Variants in RGS9 observed in about 807,000 individuals in gnomAD.
RGS9 encodes regulator of G-protein signalling 9.
RGS9 carries 78 observed loss-of-function variants against 102.0 expected under a neutral mutation model. The observed-to-expected ratio is 0.76, with a 90% confidence interval of 0.64 to 0.92. RGS9 has a LOEUF of 0.92. Ranked by LOEUF, RGS9 falls within the 40% of genes least tolerant of loss-of-function variation. The pLI, the probability that RGS9 is intolerant of heterozygous loss-of-function variation, is 0.00. For synonymous variants in RGS9, 353 were observed against 318.6 expected (o/e 1.11, Z -1.15); for missense variants, 833 against 866.1 (o/e 0.96, Z 0.48).
chr17:65,143,903 G>C (rs1167680925), intron 1 of RGS9, among the ~76,000 whole-genome samples: 1 of 150,592 alleles, frequency 6.6e-6, no homozygotes, highest in African/African-American at 2.5e-5. Flanking sequence ...TGAGGCCACA[G>C]TGAGCTATGA....
At chr17:65,152,832 T>G (rs1292430818) in intron 1 of RGS9, among the ~76,000 whole-genome samples, 1 of 152,234 alleles carries the variant, frequency 6.6e-6, no homozygotes, top group African/African-American at 2.4e-5. Flanking sequence ...GCCTGGTCAC[T>G]GTCGTTTCTC....
Position 65,153,591 on chromosome 17 carries a change from T to G in RGS9, c.154+73T>G, listed in dbSNP as rs769147528. On this transcript the variant is annotated intron_variant, in intron 2 of 18. Coordinates refer to ENST00000262406, the MANE Select transcript of RGS9 (RefSeq NM_003835.4). ...CCCAATACGGCCCACCTCCTGTGTT[T>G]GTAAAAAACTTTATTTTTGGCCAGG... 2.4e-5 allele frequency: 31 copies of G among 1,280,348 alleles called. 1 individual carries two copies. The highest frequency in any genetic ancestry group is 3.3e-5 in the Non-Finnish European group (29 of 875,988). 79.3% of individuals were successfully genotyped at this position (1,280,348 alleles called of 1,614,324 possible). A position where few individuals can be genotyped will look rare whatever the true frequency, so the allele number is the denominator to read the frequency against.
At chr17:65,168,363 C>T in intron 8 of RGS9, 82 bp downstream of exon 8, 1 of 924,842 alleles carries the variant, frequency 1.1e-6, no homozygotes. Context: ...CTGTTGCCAA[C>T]TCCTCTTTCT....
At chr17:65,212,682 C>T (rs552801523) in intron 17 of RGS9, among the ~76,000 whole-genome samples, 5 of 152,172 alleles carry the variant, frequency 3.3e-5, no homozygotes, top group Non-Finnish European at 7.3e-5. Flanking sequence ...TTCATGTTAG[C>T]AAAATGATTC....
chr17:65,226,091 G>A (rs930727985), intron 18 of RGS9, among the ~76,000 whole-genome samples: 2 of 152,212 alleles, frequency 1.3e-5, no homozygotes, highest in African/African-American at 4.8e-5. Context: ...GGGTGGTCCT[G>A]CAAGCCTGAT....
intron 7 of RGS9, among the ~76,000 whole-genome samples, 192 bp from the exon 8 acceptor site, chr17:65,168,008 C>T (rs1053768847): frequency 2.0e-5 from 3 of 151,836 alleles, no homozygotes; most frequent in Non-Finnish European, 2.9e-5. Flanking sequence ...AGAGTTAATA[C>T]GTGTCAAAGT....
intron 17 of RGS9, among the ~76,000 whole-genome samples, chr17:65,213,642 C>T (rs1192458335): frequency 6.6e-6 from 1 of 151,980 alleles, no homozygotes; most frequent in Non-Finnish European, 1.5e-5. Context: ...TCTTGTTCAT[C>T]TTTGGCTCAG....
intron 17 of RGS9, among the ~76,000 whole-genome samples, chr17:65,224,565 G>A (rs977923240): frequency 6.6e-6 from 1 of 152,236 alleles, no homozygotes; most frequent in African/African-American, 2.4e-5. Context: ...CCACTTATCA[G>A]CTAAAAGTGT....
chr17:65,209,708 T>C (rs1162382549), intron 16 of RGS9, among the ~76,000 whole-genome samples: 1 of 152,200 alleles, frequency 6.6e-6, no homozygotes, highest in African/African-American at 2.4e-5. Context: ...CTCTTCCCTC[T>C]TTCTCTGTTC....
chr17:65,140,957 T>G (rs1354925097), intron 1 of RGS9, among the ~76,000 whole-genome samples: 8 of 151,032 alleles, frequency 5.3e-5, no homozygotes. Context: ...ACTAAGAGAG[T>G]TCACTCAGGA....
chr17:65,194,272 G>A (rs1213125994), intron 12 of RGS9, among the ~76,000 whole-genome samples: 3 of 152,238 alleles, frequency 2.0e-5, no homozygotes, highest in Admixed American at 1.3e-4. Context: ...TGGTATGGAT[G>A]CACTAGAGTT....
At chr17:65,212,236 A>C (rs1913333102) in intron 17 of RGS9, among the ~76,000 whole-genome samples, 1 of 152,268 alleles carries the variant, frequency 6.6e-6, no homozygotes, top group South Asian at 2.1e-4. Context: ...AGAAATTTCA[A>C]AGTCTCATGG....
chr17:65,179,015 A>T (rs546481444), intron 9 of RGS9, among the ~76,000 whole-genome samples: 5 of 152,308 alleles, frequency 3.3e-5, no homozygotes, highest in Admixed American at 2.0e-4. Context: ...GATTCCAATG[A>T]ACCATCCTAG....
chr17:65,225,134 A>T lies in RGS9; in HGVS notation c.1540A>T (p.Ile514Phe). 1 of 1,613,522 alleles carries T rather than the reference A, an allele frequency of 6.2e-7. No homozygotes were observed. The highest frequency in any genetic ancestry group is 8.5e-7 in the Non-Finnish European group (1 of 1,179,956). Residue 514 changes from isoleucine to phenylalanine, a missense_variant, in exon 18 of 19, where the codon ATC (isoleucine) becomes TTC (phenylalanine). Physicochemically the swap from Ile to Phe is conservative, Grantham distance 21. Around this residue, in one of 3 missense-constraint regions of RGS9, gnomAD observed 320 missense variants for 276.8 expected, o/e 1.16. Transcript: ENST00000262406. ...RKPFASPSRF[I>F]RRPSTTICPS... ...GCCTTTCGCCTCACCCAGCCGCTTC[A>T]TCCGGCGACCCAGCACCACCATCTG...
intron 8 of RGS9, among the ~76,000 whole-genome samples, chr17:65,176,908 A>T (rs1567873490): frequency 6.6e-6 from 1 of 151,218 alleles, no homozygotes; most frequent in Non-Finnish European, 1.5e-5. Flanking sequence ...CCATCCATCC[A>T]TCCATCTCTT....
chr17:65,227,311 C>T lies in RGS9; in HGVS notation c.1929C>T (p.Ser643=), dbSNP rs745507971. 1.7e-5 allele frequency: 28 copies of T among 1,613,982 alleles called. No individual in the cohort carries two copies. The highest frequency in any genetic ancestry group is 2.2e-5 in the South Asian group (2 of 91,070). The part of the protein sequence containing the change: ...FQIKMDVPTG[S]GTCLMDSEDA... ...TCAAAATGGATGTGCCCACGGGGAG[C>T]GGGACCTGCTTGATGGACTCGGAGG... The change falls in exon 19 of 19, where the codon AGC becomes AGT. Residue 643 remains serine, a synonymous_variant. Transcript: ENST00000262406.
At position 65,225,025 on chromosome 17, in the gene RGS9, C is replaced by A; in HGVS notation, c.1431C>A (p.Ser477Arg). Residue 477 changes from serine (S) to arginine (R), a missense_variant, in exon 18 of 19, where the codon AGC becomes AGA. Physicochemically the swap from Ser to Arg is moderately radical, Grantham distance 110 (BLOSUM62 -1). Around this residue, in one of 3 missense-constraint regions of RGS9, gnomAD observed 320 missense variants for 276.8 expected, o/e 1.16. Transcript: ENST00000262406. ...AGCCGGGCCAGCACATGGCTCCCAG[C>A]CCCCATCTGACCGTGTACACCGGGA... ...ITQPGQHMAP[S>R]PHLTVYTGTC... 6.2e-7 allele frequency: 1 copy of A among 1,613,934 alleles called. No individual in the cohort carries two copies. Among genetic ancestry groups the A allele is most frequent in the South Asian group, 1.1e-5 (1 of 91,084 alleles).
At chr17:65,206,149 A>G (rs1913056455) in intron 15 of RGS9, among the ~76,000 whole-genome samples, 2 of 152,126 alleles carry the variant, frequency 1.3e-5, no homozygotes, top group African/African-American at 4.8e-5. Flanking sequence ...TATTTCTTCT[A>G]TTTAGTCTTT....
intron 1 of RGS9, among the ~76,000 whole-genome samples, chr17:65,145,531 C>T (rs1354265361): frequency 1.3e-5 from 2 of 150,648 alleles, no homozygotes; most frequent in Non-Finnish European, 2.9e-5. Flanking sequence ...GGGATTGTAG[C>T]CTGCCACCAC....
Sources: gnomAD v4.1 joint callset for allele counts (sites outside exome capture counted in the v4.1 genomes callset) on GRCh38, gnomAD v4.1.1 for gene constraint, gnomAD v4.1.1 regional missense constraint, MANE v1.5 for transcripts, NCBI Gene and HGNC (gene_info 2026-07-23, HGNC 2026-07-21) for gene names.